TRPM3: variants seen among roughly 807,000 people sequenced by gnomAD.
TRPM3 encodes transient receptor potential cation channel subfamily M member 3.
A neutral mutation model predicts 181.2 loss-of-function variants in TRPM3; 77 were observed. That is an observed-to-expected ratio of 0.42 (90% CI 0.35 to 0.51). The LOEUF (loss-of-function observed/expected upper bound fraction) is 0.51. TRPM3 is among the 20% of genes least tolerant of loss of function. The probability of loss-of-function intolerance (pLI) is 0.01; values close to 1 mark genes in which losing one functional copy is unlikely to be tolerated. For missense variants in TRPM3, 1,759 were observed against 2,196.7 expected (o/e 0.80, Z 3.98); for synonymous variants, 745 against 796.4 (o/e 0.94, Z 1.09).
intron 9 of TRPM3, among the ~76,000 whole-genome samples, chr9:70,665,135 A>G (rs1334074946): frequency 6.6e-6 from 1 of 152,062 alleles, no homozygotes; most frequent in Non-Finnish European, 1.5e-5. Context: ...CCCTGCCTGG[A>G]GTGGGAGCTG....
intron 1 of TRPM3, among the ~76,000 whole-genome samples, chr9:71,336,847 T>C (rs2090590843): frequency 1.3e-5 from 2 of 152,144 alleles, no homozygotes; most frequent in South Asian, 2.1e-4. Flanking sequence ...AAACAAGCAA[T>C]GGGGAAAGGA....
chr9:71,223,565 C>T (rs976907931), intron 1 of TRPM3, among the ~76,000 whole-genome samples: 7 of 152,216 alleles, frequency 4.6e-5, no homozygotes, highest in Non-Finnish European at 1.0e-4. Context: ...TAGGTAATAG[C>T]TCAGTCACAG....
chr9:70,792,659 G>T (rs2085774531), intron 6 of TRPM3, among the ~76,000 whole-genome samples: 1 of 70,286 alleles, frequency 1.4e-5, no homozygotes, highest in Non-Finnish European at 3.3e-5. Flanking sequence ...GAGACAGAAA[G>T]ACAGAGAGAG....
chr9:70,929,908 C>T (rs1336643896), intron 1 of TRPM3, among the ~76,000 whole-genome samples: 1 of 152,132 alleles, frequency 6.6e-6, no homozygotes. Context: ...TAGAAGACAG[C>T]GAAACTGGGG....
At chr9:71,104,666 C>A (rs2069111520) in intron 1 of TRPM3, among the ~76,000 whole-genome samples, 1 of 152,142 alleles carries the variant, frequency 6.6e-6, no homozygotes, top group Non-Finnish European at 1.5e-5. Flanking sequence ...TTTTCTTCCT[C>A]TCTTTGCTCA....
At chr9:70,969,772 A>ATG (rs1171350873) in intron 1 of TRPM3, among the ~76,000 whole-genome samples, 1 of 141,362 alleles carries the variant, frequency 7.1e-6, no homozygotes, top group Non-Finnish European at 1.6e-5. Context: ...ATATATATAT[A>ATG]TATATATACA....
chr9:70,685,146 C>G (rs2066438665), intron 8 of TRPM3, among the ~76,000 whole-genome samples: 1 of 151,932 alleles, frequency 6.6e-6, no homozygotes, highest in African/African-American at 2.4e-5. Flanking sequence ...TTATTTCATC[C>G]TAAATAAAAT....
intron 1 of TRPM3, among the ~76,000 whole-genome samples, chr9:71,069,223 G>A (rs1233775531): frequency 3.3e-5 from 5 of 152,300 alleles, no homozygotes; most frequent in East Asian, 3.9e-4. Flanking sequence ...TCACTGTGTC[G>A]ACAGGCTGGA....
rs559491075 is a variant in TRPM3 at position 70,750,680 on chromosome 9, T to C, written c.1272+10921A>G. Among the ~76,000 whole-genome samples, 144 of 152,198 alleles carry C rather than the reference T, an allele frequency of 9.5e-4. 1 individual carries two copies. Among genetic ancestry groups the C allele is most frequent in the African/African-American group, 3.4e-3 (140 of 41,536 alleles). ...CTTGGCCACAATTGGCTGGTGGCGG[T>C]GGCAATGAGGATAGGGGAACTGAAG... On this transcript the variant is annotated intron_variant, in intron 8 of 25. Transcript: ENST00000677713.
chr9:71,427,126 G>A (rs1163084199), intron 1 of TRPM3, among the ~76,000 whole-genome samples: 1 of 152,084 alleles, frequency 6.6e-6, no homozygotes, highest in Non-Finnish European at 1.5e-5. Context: ...ATGCCTTACG[G>A]TATTTTTTTT....
chr9:71,104,181 G>C (rs1204119455), intron 1 of TRPM3, among the ~76,000 whole-genome samples: 1 of 152,130 alleles, frequency 6.6e-6, no homozygotes, highest in Non-Finnish European at 1.5e-5. Flanking sequence ...CTCCAAAAGT[G>C]CTGGGATTAC....
At chr9:71,107,295 C>T (rs915462983) in intron 1 of TRPM3, among the ~76,000 whole-genome samples, 3 of 152,164 alleles carry the variant, frequency 2.0e-5, no homozygotes, top group African/African-American at 7.2e-5. Flanking sequence ...TTTGCCTGTA[C>T]TGCACCACTG....
chr9:71,274,787 T>G (rs2084067420), intron 1 of TRPM3, among the ~76,000 whole-genome samples: 1 of 152,246 alleles, frequency 6.6e-6, no homozygotes, highest in Non-Finnish European at 1.5e-5. Flanking sequence ...TAATTTTTAC[T>G]TATAGCTTCT....
chr9:71,014,870 A>G (rs974456754), intron 1 of TRPM3, among the ~76,000 whole-genome samples: 7 of 152,040 alleles, frequency 4.6e-5, no homozygotes, highest in South Asian at 2.1e-4. Flanking sequence ...CAACTTTGTG[A>G]TATTATTTTA....
At chr9:70,588,374 C>T (rs2057508592) in intron 22 of TRPM3, among the ~76,000 whole-genome samples, 1 of 152,032 alleles carries the variant, frequency 6.6e-6, no homozygotes, top group Non-Finnish European at 1.5e-5. Flanking sequence ...AAAAACCCAC[C>T]CCAAGGGCCC....
intron 1 of TRPM3, among the ~76,000 whole-genome samples, chr9:71,411,016 AAT>A (rs2093538068): frequency 6.6e-6 from 1 of 152,200 alleles, no homozygotes; most frequent in South Asian, 2.1e-4. Context: ...TGATTATCTC[AAT>A]AGATGTAGAA....
At chr9:71,026,262 T>C (rs949707400) in intron 1 of TRPM3, among the ~76,000 whole-genome samples, 5 of 152,138 alleles carry the variant, frequency 3.3e-5, no homozygotes, top group African/African-American at 4.8e-5. Flanking sequence ...ATGGGGCAGG[T>C]CTGACCTGAG....
chr9:70,621,455 C>A (rs1179200508), intron 14 of TRPM3, among the ~76,000 whole-genome samples, 182 bp from the exon 15 acceptor site: 1 of 152,066 alleles, frequency 6.6e-6, no homozygotes, highest in African/African-American at 2.4e-5. Flanking sequence ...GCCTCAACCT[C>A]CCGGGCTCAA....
At chr9:71,263,315 CTTCAT>C (rs931831655) in intron 1 of TRPM3, among the ~76,000 whole-genome samples, 73 of 152,280 alleles carry the variant, frequency 4.8e-4, no homozygotes, top group African/African-American at 1.7e-3. Flanking sequence ...TATTATTTCT[CTTCAT>C]TTAATTTCAC....
Sources: allele counts gnomAD v4.1 joint callset (sites outside exome capture counted in the v4.1 genomes callset), GRCh38; gene constraint gnomAD v4.1.1; transcripts MANE v1.5; gene names NCBI Gene and HGNC (gene_info 2026-07-23, HGNC 2026-07-21).